Variants in SKIC3 observed in about 807,000 individuals in gnomAD.
The protein encoded by SKIC3 is superkiller complex protein 3.
At chr5:95,476,469 C>T in the SKIC3 span, among the ~76,000 whole-genome samples, 1 of 152,088 alleles carries the variant, frequency 6.6e-6, no homozygotes, top group African/African-American at 2.4e-5. Flanking sequence ...TTAATATATC[C>T]ATCCTCCCCA....
chr5:95,464,614 G>C, the SKIC3 span: 1 of 1,611,082 alleles, frequency 6.2e-7, no homozygotes, highest in Non-Finnish European at 8.5e-7. Flanking sequence ...ATGTTATTGT[G>C]AGGACAATCT....
chr5:95,478,441 C>T, the SKIC3 span: 2 of 1,613,710 alleles, frequency 1.2e-6, no homozygotes, highest in Non-Finnish European at 8.5e-7. Flanking sequence ...ATGTGCCAGC[C>T]ACTAAGAAAC....
the SKIC3 span, among the ~76,000 whole-genome samples, chr5:95,539,582 G>A: frequency 1.3e-5 from 2 of 152,098 alleles, no homozygotes; most frequent in Non-Finnish European, 2.9e-5. Context: ...AGTGGCTCAC[G>A]CCTGTAATCC....
chr5:95,494,888 G>A, the SKIC3 span: 1 of 1,593,966 alleles, frequency 6.3e-7, no homozygotes. Flanking sequence ...TAATCCCTAA[G>A]ACTATGAAAA....
chr5:95,550,788 T>G, the SKIC3 span: 4 of 152,438 alleles, frequency 2.6e-5, no homozygotes, highest in African/African-American at 9.6e-5. Context: ...GTATAATTTT[T>G]AGTATTTTTA....
At chr5:95,464,568 A>G in the SKIC3 span, 2 of 1,492,854 alleles carry the variant, frequency 1.3e-6, no homozygotes, top group East Asian at 2.3e-5. Flanking sequence ...TCATTCTTAC[A>G]GCTTTTTCTT....
chr5:95,487,408 C>T, the SKIC3 span, among the ~76,000 whole-genome samples: 1 of 152,112 alleles, frequency 6.6e-6, no homozygotes, highest in Non-Finnish European at 1.5e-5. Context: ...AAGAATGGGC[C>T]TGTCTAAACC....
chr5:95,504,850 C>T, the SKIC3 span, among the ~76,000 whole-genome samples: 1 of 151,774 alleles, frequency 6.6e-6, no homozygotes, highest in African/African-American at 2.4e-5. Flanking sequence ...AAAAAAAATA[C>T]AAAAATTACC....
chr5:95,546,927 A>G, the SKIC3 span: 1 of 847,366 alleles, frequency 1.2e-6, no homozygotes, highest in Admixed American at 2.0e-5. Flanking sequence ...TAAAAGTCCA[A>G]CCATTCTAAT....
the SKIC3 span, among the ~76,000 whole-genome samples, chr5:95,470,807 A>C: frequency 6.6e-6 from 1 of 152,118 alleles, no homozygotes; most frequent in African/African-American, 2.4e-5. Context: ...GTACTGACTC[A>C]GAAATAACAA....
At chr5:95,516,279 G>C in the SKIC3 span, 3 of 1,500,824 alleles carry the variant, frequency 2.0e-6, no homozygotes, top group Non-Finnish European at 2.8e-6. Flanking sequence ...TCCACAAGAA[G>C]CTGAGCTATT....
chr5:95,520,442 G>C, the SKIC3 span, among the ~76,000 whole-genome samples: 1 of 148,886 alleles, frequency 6.7e-6, no homozygotes. Context: ...TGGTGTCAGA[G>C]CTGCTGTTCC....
At chr5:95,515,338 T>C in the SKIC3 span, among the ~76,000 whole-genome samples, 2 of 152,172 alleles carry the variant, frequency 1.3e-5, no homozygotes, top group African/African-American at 2.4e-5. Flanking sequence ...GACATGTGTA[T>C]ACCTGCTACC....
At chr5:95,496,166 C>T in the SKIC3 span, among the ~76,000 whole-genome samples, 8 of 152,050 alleles carry the variant, frequency 5.3e-5, no homozygotes, top group Middle Eastern at 3.4e-3. Flanking sequence ...TACAGGCGTG[C>T]GCCACCATGC....
At chr5:95,552,703 T>C in the SKIC3 span, among the ~76,000 whole-genome samples, 26,030 of 151,864 alleles carry the variant, frequency 0.17, 3,317 homozygotes, top group African/African-American at 0.36. Context: ...GGGAGGGAAG[T>C]AGGCAGTGAG....
chr5:95,547,364 T>G, the SKIC3 span, among the ~76,000 whole-genome samples: 1 of 152,170 alleles, frequency 6.6e-6, no homozygotes, highest in Non-Finnish European at 1.5e-5. Flanking sequence ...TCCTTTGACA[T>G]GCTATTTAAC....
the SKIC3 span, chr5:95,541,261 C>G: frequency 6.3e-7 from 1 of 1,590,330 alleles, no homozygotes; most frequent in Non-Finnish European, 8.6e-7. Flanking sequence ...TCACCGCGCC[C>G]AGCCCATCTA....
chr5:95,502,381 T>A, the SKIC3 span, among the ~76,000 whole-genome samples: 1 of 152,214 alleles, frequency 6.6e-6, no homozygotes, highest in Non-Finnish European at 1.5e-5. Flanking sequence ...TGAAGTTAAA[T>A]AGTATTATAT....
the SKIC3 span, among the ~76,000 whole-genome samples, chr5:95,468,633 C>T: frequency 6.6e-6 from 1 of 152,162 alleles, no homozygotes; most frequent in Non-Finnish European, 1.5e-5. Flanking sequence ...TTCAGAACTG[C>T]TAAACAGAAA....
Sources: gnomAD v4.1 joint callset for allele counts (sites outside exome capture counted in the v4.1 genomes callset) on GRCh38, gnomAD v4.1.1 for gene constraint, MANE v1.5 for transcripts, NCBI Gene and HGNC (gene_info 2026-07-23, HGNC 2026-07-21) for gene names.